The following NECTIN3 variants were observed in gnomAD, a reference collection of about 807,000 sequenced individuals.
NECTIN3 encodes nectin-3.
Under a neutral mutation model 49.4 loss-of-function variants are expected in NECTIN3, and 8 were observed. That is an observed-to-expected ratio of 0.16 (90% CI 0.10 to 0.29). NECTIN3 has a LOEUF of 0.29. Among genes scored for constraint, NECTIN3 ranks in the 10% least tolerant of loss-of-function variants. NECTIN3 has a pLI of 1.00. For synonymous variants in NECTIN3, 277 were observed against 241.1 expected (o/e 1.15, Z -1.38); for missense variants, 581 against 654.6 (o/e 0.89, Z 1.23).
At chr3:111,072,594 G>C in intron 1 of NECTIN3, 7 of 1,532,560 alleles carry the variant, frequency 4.6e-6, no homozygotes, top group Non-Finnish European at 6.1e-6. Context: ...CTAGGGACCG[G>C]AGCCCGATGG....
intron 1 of NECTIN3, among the ~76,000 whole-genome samples, chr3:111,089,677 A>G (rs1576082267): frequency 1.3e-5 from 2 of 152,030 alleles, no homozygotes. Flanking sequence ...TTTGGGCCCA[A>G]TATGCAGTCA....
chr3:111,102,696 T>A (rs1015881140), intron 1 of NECTIN3, among the ~76,000 whole-genome samples: 3 of 152,236 alleles, frequency 2.0e-5, no homozygotes, highest in Admixed American at 1.3e-4. Flanking sequence ...ATGCCTTTGG[T>A]GTTTCATCTA....
Position 111,130,184 on chromosome 3 carries a change from C to T in NECTIN3, c.1070-3451C>T, listed in dbSNP as rs183459615. On this transcript the variant is annotated intron_variant, in intron 5 of 5. Transcript: ENST00000485303. ...TATTAGCCAGGATGGTCTCGATCTC[C>T]TGACCTCATGATCCACCAGCCTCGG... Among the ~76,000 whole-genome samples the T allele has an allele frequency of 8.4e-4, 127 of 151,992 alleles. 1 individual carries two copies. Among genetic ancestry groups the T allele is most frequent in the African/African-American group, 3.0e-3 (124 of 41,454 alleles).
chr3:111,145,967 A>G (rs1189424887), intron 6 of NECTIN3, among the ~76,000 whole-genome samples: 3 of 152,170 alleles, frequency 2.0e-5, no homozygotes, highest in Non-Finnish European at 2.9e-5. Flanking sequence ...GACCATGAAC[A>G]AGTACTTTAT....
At chr3:111,170,292 G>A (rs1411635592) in intron 7 of NECTIN3, among the ~76,000 whole-genome samples, 1 of 152,140 alleles carries the variant, frequency 6.6e-6, no homozygotes, top group Non-Finnish European at 1.5e-5. Flanking sequence ...GTGAATAATA[G>A]CTATTATTTA....
chr3:111,181,998 T>C (rs561418465), intron 7 of NECTIN3, among the ~76,000 whole-genome samples: 3 of 152,026 alleles, frequency 2.0e-5, no homozygotes, highest in Non-Finnish European at 4.4e-5. Context: ...ATACAAAGTT[T>C]CCTTTGAGCA....
upstream of NECTIN3, among the ~76,000 whole-genome samples, chr3:111,191,666 G>A (rs1438404405): frequency 1.3e-5 from 2 of 152,022 alleles, no homozygotes; most frequent in Non-Finnish European, 2.9e-5. Context: ...TTAAATCTAT[G>A]TATAAAGACA....
chr3:111,178,859 C>T (rs2035578716), intron 7 of NECTIN3, among the ~76,000 whole-genome samples: 1 of 152,226 alleles, frequency 6.6e-6, no homozygotes, highest in African/African-American at 2.4e-5. Context: ...GCTCTACATA[C>T]TTGGAACCAT....
intron 1 of NECTIN3, chr3:111,074,369 G>T (rs1479329359): frequency 1.1e-5 from 4 of 359,018 alleles, no homozygotes; most frequent in African/African-American, 2.1e-5. Context: ...CGTGGAGCCA[G>T]TTTTAGAGTT....
intron 3 of NECTIN3, among the ~76,000 whole-genome samples, chr3:111,119,424 C>T (rs533524190): frequency 6.1e-4 from 93 of 152,288 alleles, no homozygotes; most frequent in Non-Finnish European, 1.1e-3. Flanking sequence ...TTCCGCCTCC[C>T]GGGTTCAAGT....
intron 7 of NECTIN3, among the ~76,000 whole-genome samples, chr3:111,148,032 A>G (rs887994430): frequency 1.3e-5 from 2 of 152,134 alleles, no homozygotes; most frequent in South Asian, 2.1e-4. Flanking sequence ...AACTATCAGA[A>G]TATTTGAATT....
chr3:111,192,444 G>A (rs2107539856), intron 1 of NECTIN3: 1 of 1,499,202 alleles, frequency 6.7e-7, no homozygotes, highest in East Asian at 2.5e-5. Context: ...TATCAGCCCA[G>A]GTGGAGCTGG....
chr3:111,094,256 A>AT (rs771674533), intron 1 of NECTIN3, among the ~76,000 whole-genome samples: 11 of 152,238 alleles, frequency 7.2e-5, no homozygotes, highest in Non-Finnish European at 1.5e-4. Context: ...CTTATTTTAT[A>AT]TTTACTATAC....
At chr3:111,140,765 T>A (rs2034722238), downstream of NECTIN3, among the ~76,000 whole-genome samples, 1 of 151,870 alleles carries the variant, frequency 6.6e-6, no homozygotes, top group South Asian at 2.1e-4. Flanking sequence ...TCTACTTAAT[T>A]TTCTTCTGGA....
intron 1 of NECTIN3, among the ~76,000 whole-genome samples, chr3:111,109,846 G>T (rs539517523): frequency 7.2e-5 from 11 of 152,010 alleles, no homozygotes; most frequent in Non-Finnish European, 1.3e-4. Context: ...TTGCATTTGT[G>T]TATTAATATG....
intron 1 of NECTIN3, among the ~76,000 whole-genome samples, chr3:111,080,885 T>C (rs181148499): frequency 3.3e-5 from 5 of 152,268 alleles, no homozygotes; most frequent in Admixed American, 3.3e-4. Context: ...TATGATATAG[T>C]TTACAGAAAT....
chr3:111,179,510 A>G (rs2035589407), intron 7 of NECTIN3, among the ~76,000 whole-genome samples: 1 of 152,164 alleles, frequency 6.6e-6, no homozygotes, highest in African/African-American at 2.4e-5. Context: ...GTGGGTTAAC[A>G]GGAAAGGATT....
chr3:111,132,778 A>C (rs2034440960), intron 5 of NECTIN3, among the ~76,000 whole-genome samples: 1 of 151,908 alleles, frequency 6.6e-6, no homozygotes, highest in African/African-American at 2.4e-5. Flanking sequence ...ATCCTAAAGT[A>C]GTGACATTAA....
At chr3:111,097,778 T>A (rs2032674755) in intron 1 of NECTIN3, among the ~76,000 whole-genome samples, 1 of 152,138 alleles carries the variant, frequency 6.6e-6, no homozygotes, top group African/African-American at 2.4e-5. Context: ...AACTGTGAGT[T>A]CTCCATTAAA....
Sources: allele counts gnomAD v4.1 joint callset (sites outside exome capture counted in the v4.1 genomes callset), GRCh38; gene constraint gnomAD v4.1.1; transcripts MANE v1.5; gene names NCBI Gene and HGNC (gene_info 2026-07-23, HGNC 2026-07-21).